Variants in FOXO3 observed in about 807,000 individuals in gnomAD.
The protein encoded by FOXO3 is forkhead box protein O3.
FOXO3 carries 4 observed loss-of-function variants against 41.9 expected under a neutral mutation model. The ratio of observed to expected loss-of-function variants is 0.10; its 90% CI spans 0.05 to 0.22. FOXO3 has a LOEUF of 0.22. Ranked by LOEUF, FOXO3 falls within the 10% of genes least tolerant of loss-of-function variation. FOXO3 has a pLI of 1.00. For missense variants in FOXO3, 534 were observed against 906.8 expected (o/e 0.59, Z 5.28); for synonymous variants, 318 against 389.3 (o/e 0.82, Z 2.16).
At chr6:108,569,899 G>A (rs1461302488) in intron 1 of FOXO3, among the ~76,000 whole-genome samples, 3 of 147,998 alleles carry the variant, frequency 2.0e-5, no homozygotes, top group Admixed American at 6.8e-5. Flanking sequence ...GTGTTTGGCA[G>A]TTTTCAGTAC....
chr6:108,579,872 A>G (rs141388343), intron 1 of FOXO3, among the ~76,000 whole-genome samples: 209 of 151,270 alleles, frequency 1.4e-3, no homozygotes, highest in African/African-American at 4.8e-3. Flanking sequence ...CACCTGCTTG[A>G]CCCCTCTTTG....
intron 1 of FOXO3, among the ~76,000 whole-genome samples, chr6:108,629,174 G>A (rs1407508313): frequency 6.6e-6 from 1 of 152,148 alleles, no homozygotes; most frequent in Non-Finnish European, 1.5e-5. Flanking sequence ...AGTGGTGGTG[G>A]CGGTGTGGTG....
intron 1 of FOXO3, among the ~76,000 whole-genome samples, chr6:108,590,577 A>G (rs888205091): frequency 5.9e-5 from 9 of 152,222 alleles, no homozygotes; most frequent in Non-Finnish European, 2.9e-5. Context: ...TTTATTATGT[A>G]TATGCAAATA....
intron 1 of FOXO3, among the ~76,000 whole-genome samples, chr6:108,631,805 G>A (rs996771756): frequency 2.0e-5 from 3 of 151,988 alleles, no homozygotes; most frequent in African/African-American, 7.3e-5. Flanking sequence ...TTTCTCCCTT[G>A]TACAAAATAA....
At chr6:108,630,078 T>G (rs1777923671) in intron 1 of FOXO3, among the ~76,000 whole-genome samples, 1 of 152,220 alleles carries the variant, frequency 6.6e-6, no homozygotes, top group South Asian at 2.1e-4. Context: ...TGAGAGAAGA[T>G]AGTTTCCTCT....
chr6:108,674,327 A>C (rs1447720908), intron 2 of FOXO3, among the ~76,000 whole-genome samples: 3 of 152,236 alleles, frequency 2.0e-5, no homozygotes, highest in Non-Finnish European at 4.4e-5. Flanking sequence ...CAACATTTAT[A>C]GTGCATCCAT....
At chr6:108,565,864 A>T (rs935693966) in intron 1 of FOXO3, among the ~76,000 whole-genome samples, 1 of 152,140 alleles carries the variant, frequency 6.6e-6, no homozygotes, top group Non-Finnish European at 1.5e-5. Context: ...ACTCTGTTTT[A>T]AATTTTTTTT....
intron 1 of FOXO3, among the ~76,000 whole-genome samples, chr6:108,661,026 C>T (rs1388125318): frequency 6.6e-6 from 1 of 152,070 alleles, no homozygotes; most frequent in Non-Finnish European, 1.5e-5. Flanking sequence ...CGCCACTGCA[C>T]TCCAACCTGG....
At chr6:108,601,103 G>T (rs1230669039) in intron 1 of FOXO3, among the ~76,000 whole-genome samples, 3 of 151,552 alleles carry the variant, frequency 2.0e-5, no homozygotes, top group African/African-American at 7.3e-5. Flanking sequence ...CGCCTCTGGG[G>T]TTCACTCCAT....
At chr6:108,586,149 T>G (rs1304694740) in intron 1 of FOXO3, among the ~76,000 whole-genome samples, 7 of 152,152 alleles carry the variant, frequency 4.6e-5, no homozygotes, top group African/African-American at 1.7e-4. Context: ...TATAAAAATA[T>G]GTGCAGTATT....
At chr6:108,675,628 C>A (rs769575089) in intron 2 of FOXO3, among the ~76,000 whole-genome samples, 1 of 152,168 alleles carries the variant, frequency 6.6e-6, no homozygotes, top group Non-Finnish European at 1.5e-5. Context: ...CTAAAATTAT[C>A]TTTCTTTTTA....
In FOXO3 at chr6:108,663,578, C is replaced by A; in HGVS notation, c.745C>A (p.Arg249=). 6.2e-7 allele frequency: 1 copy of A among 1,613,580 alleles called. No homozygotes were observed. Among genetic ancestry groups the A allele is most frequent in the African/African-American group, 1.3e-5 (1 of 75,016 alleles). The change falls in exon 2 of 3, where the codon CGG becomes AGG. Residue 249 remains arginine, a synonymous_variant. Transcript: ENST00000406360. ...DGGKSGKAPR[R]RAVSMDNSNK... is the part of the protein sequence containing the mutation. ...GGGGAAGAGCGGAAAAGCCCCCCGGCGGCGGGCTGTCTCCATGGACAATAG... is the reference window on the plus strand; with the variant it reads ...GGGGAAGAGCGGAAAAGCCCCCCGGAGGCGGGCTGTCTCCATGGACAATAG...
intron 1 of FOXO3, among the ~76,000 whole-genome samples, chr6:108,571,476 GTTAAA>G (rs1416253978): frequency 3.3e-5 from 5 of 152,130 alleles, no homozygotes; most frequent in African/African-American, 7.2e-5. Flanking sequence ...GAAGTAATTA[GTTAAA>G]TTAAAGTGAA....
chr6:108,639,654 T>C (rs77437731), intron 1 of FOXO3: 13,337 of 737,908 alleles, frequency 0.018, 604 homozygotes, highest in African/African-American at 0.14. Context: ...CTCCCCCTGC[T>C]GAAAATAAAT....
intron 1 of FOXO3, among the ~76,000 whole-genome samples, chr6:108,625,229 A>G (rs1777779211): frequency 6.6e-6 from 1 of 152,192 alleles, no homozygotes; most frequent in Admixed American, 6.5e-5. Context: ...ACTTGCCATT[A>G]TGTTTTTATC....
At position 108,684,122 on chromosome 6, in the gene FOXO3, T is replaced by G. The variant is rs1244269206; in HGVS notation, c.*4330T>G. The G allele has an allele frequency of 3.3e-5, 5 of 152,612 alleles. No homozygotes were observed. Among genetic ancestry groups the G allele is most frequent in the African/African-American group, 1.2e-4 (5 of 41,436 alleles). The allele number at this position is 152,612 out of a possible 1,614,324, so 9.5% of individuals were successfully genotyped here. A position where few individuals can be genotyped will look rare whatever the true frequency, so the allele number is the denominator to read the frequency against. ...CCTCTTGCCACACTCCAGAAATACGTGTGCGGCTGCTTTTAAGAACTATGT... is the reference window on the plus strand; with the variant it reads ...CCTCTTGCCACACTCCAGAAATACGGGTGCGGCTGCTTTTAAGAACTATGT... On this transcript the variant is annotated 3_prime_UTR_variant, in exon 3 of 3. Coordinates refer to ENST00000406360, the MANE Select transcript of FOXO3 (RefSeq NM_001455.4).
intron 1 of FOXO3, among the ~76,000 whole-genome samples, chr6:108,621,939 G>A (rs555917206): frequency 1.0e-3 from 157 of 152,242 alleles, no homozygotes; most frequent in Non-Finnish European, 1.4e-3. Flanking sequence ...GGCAAGTTTT[G>A]TATGGAGAGT....
At chr6:108,618,645 ATTTTTGTTT>A (rs1268871451) in intron 1 of FOXO3, among the ~76,000 whole-genome samples, 2 of 152,148 alleles carry the variant, frequency 1.3e-5, no homozygotes, top group Non-Finnish European at 2.9e-5. Context: ...CTTGTGAATT[ATTTTTGTTT>A]TTGTTGCTGG....
intron 1 of FOXO3, among the ~76,000 whole-genome samples, chr6:108,567,757 G>T (rs57608722): frequency 6.6e-4 from 101 of 152,172 alleles, no homozygotes; most frequent in African/African-American, 2.3e-3. Context: ...CAGAAAAAAA[G>T]AAAACTAGGC....
Sources: allele counts gnomAD v4.1 joint callset (sites outside exome capture counted in the v4.1 genomes callset), GRCh38; gene constraint gnomAD v4.1.1; transcripts MANE v1.5; gene names NCBI Gene and HGNC (gene_info 2026-07-23, HGNC 2026-07-21).